The following HPCAL1 variants were observed in gnomAD, a reference collection of about 807,000 sequenced individuals.
The protein encoded by HPCAL1 is hippocalcin like 1, also known as hippocalcin-like protein 1.
HPCAL1 carries 8 observed loss-of-function variants against 17.1 expected under a neutral mutation model. The observed-to-expected ratio is 0.47, with a 90% confidence interval of 0.27 to 0.84. HPCAL1 has a LOEUF of 0.84. HPCAL1 is among the 40% of genes least tolerant of loss of function. HPCAL1 has a pLI of 0.13. For synonymous variants in HPCAL1, 112 were observed against 111.4 expected, an observed-to-expected ratio of 1.01 and a Z score of -0.03; for missense variants, 165 against 271.1, an observed-to-expected ratio of 0.61 and a Z score of 2.75.
At position 10,304,813 on chromosome 2, in the gene HPCAL1, C is replaced by T. The variant is rs889716069; in HGVS notation, c.-111+1636C>T. The stretch of plus-strand genomic sequence containing the variant: ...AAAAAATCGCCTTTAACCAAGGGAG[C>T]CAAGATCTCACCAGTGCAGGAGGCT... On this transcript the variant is annotated intron_variant, in intron 1 of 4. Transcript: ENST00000307845. The surrounding 1 kb of genome is among the most constrained non-coding windows in gnomAD (Gnocchi z 4.1). Among the ~76,000 whole-genome samples, 1 of 152,116 alleles carries T rather than the reference C, an allele frequency of 6.6e-6. No homozygotes were observed. Among genetic ancestry groups the T allele is most frequent in the African/African-American group, 2.4e-5 (1 of 41,408 alleles).
At chr2:10,329,959 G>A (rs932817608) in intron 1 of HPCAL1, among the ~76,000 whole-genome samples, 5 of 152,334 alleles carry the variant, frequency 3.3e-5, no homozygotes, top group Middle Eastern at 3.4e-3. Context: ...AGCAGGGTAA[G>A]TTTCCAAGAA....
At chr2:10,391,645 A>G (rs1388697660) in intron 1 of HPCAL1, among the ~76,000 whole-genome samples, 2 of 152,232 alleles carry the variant, frequency 1.3e-5, no homozygotes, top group Non-Finnish European at 2.9e-5. Context: ...GCCAGCCCCA[A>G]GAAACTACGA....
chr2:10,399,418 CCACCAT>C (rs1669375562), intron 2 of HPCAL1, among the ~76,000 whole-genome samples: 5 of 39,400 alleles, frequency 1.3e-4, no homozygotes, highest in East Asian at 1.6e-3. Flanking sequence ...ACCACCACCA[CCACCAT>C]CACCACCACC....
intron 1 of HPCAL1, among the ~76,000 whole-genome samples, chr2:10,314,220 C>T (rs1663160624): frequency 1.3e-5 from 2 of 150,474 alleles, no homozygotes; most frequent in African/African-American, 4.9e-5. Flanking sequence ...TAAGAGGCAG[C>T]ATTATGATTC....
intron 1 of HPCAL1, among the ~76,000 whole-genome samples, chr2:10,387,356 G>A (rs763492919): frequency 2.0e-5 from 3 of 152,252 alleles, no homozygotes; most frequent in Non-Finnish European, 2.9e-5. Context: ...ATGCGGTGAC[G>A]CACTGGGGAC....
In HPCAL1 at chr2:10,419,189, C is replaced by T. The variant is rs191485852; in HGVS notation, c.-24-545C>T. On this transcript the variant is annotated intron_variant, in intron 2 of 4. Transcript: ENST00000307845. The surrounding 1 kb of genome is among the most constrained non-coding windows in gnomAD (Gnocchi z 5.0). ...TCCTGCTACTGCACTGCAGCCTGGG[C>T]GACAAGAGCAAAACTCCATCTCAAA... 7.4e-4 allele frequency among the ~76,000 whole-genome samples: 112 copies of T among 150,704 alleles called. No individual in the cohort carries two copies. Among genetic ancestry groups the T allele is most frequent in the African/African-American group, 2.6e-3 (106 of 41,300 alleles).
At chr2:10,305,434 C>G (rs1662559240) in intron 1 of HPCAL1, among the ~76,000 whole-genome samples, 1 of 152,180 alleles carries the variant, frequency 6.6e-6, no homozygotes, top group African/African-American at 2.4e-5. Flanking sequence ...GATAATGTGG[C>G]AAAGGGAAGG....
chr2:10,405,564 C>G (rs1199797360), intron 2 of HPCAL1, among the ~76,000 whole-genome samples: 1 of 152,260 alleles, frequency 6.6e-6, no homozygotes, highest in Non-Finnish European at 1.5e-5. Context: ...CCTGGAACAT[C>G]AGGGTGGAAT....
At chr2:10,382,797 G>A (rs1297154174) in intron 1 of HPCAL1, among the ~76,000 whole-genome samples, 1 of 152,156 alleles carries the variant, frequency 6.6e-6, no homozygotes, top group Non-Finnish European at 1.5e-5. Context: ...GCTGCTGAGT[G>A]TGGGAGTGTG....
At chr2:10,347,979 A>AGCT (rs1300784667) in intron 1 of HPCAL1, among the ~76,000 whole-genome samples, 1 of 152,186 alleles carries the variant, frequency 6.6e-6, no homozygotes, top group Non-Finnish European at 1.5e-5. Flanking sequence ...GTCACTCTTA[A>AGCT]GCTTGCATTT....
At chr2:10,316,290 T>C (rs1663309980) in intron 1 of HPCAL1, among the ~76,000 whole-genome samples, 1 of 152,208 alleles carries the variant, frequency 6.6e-6, no homozygotes, top group Non-Finnish European at 1.5e-5. Context: ...CATTCTAATA[T>C]GTTTCAGCTC....
At position 10,323,084 on chromosome 2, in the gene HPCAL1, G is replaced by A. The variant is rs1663778225; in HGVS notation, c.-111+19907G>A. Among the ~76,000 whole-genome samples the A allele has an allele frequency of 6.6e-6, 1 of 152,140 alleles. No individual in the cohort carries two copies. The highest frequency in any genetic ancestry group is 2.4e-5 in the African/African-American group (1 of 41,424). ...GATTCAGCTATCCCAGGCTGACCCT[G>A]AGGTCCACCATGACTGTGCTGCAGC... On this transcript the variant is annotated intron_variant, in intron 1 of 4. Coordinates refer to ENST00000307845, the MANE Select transcript of HPCAL1 (RefSeq NM_002149.4). This position sits in a 1 kb window ranked among gnomAD's most constrained non-coding sequence, Gnocchi z 4.6.
intron 1 of HPCAL1, among the ~76,000 whole-genome samples, chr2:10,317,244 T>G (rs558602082): frequency 6.6e-6 from 1 of 152,328 alleles, no homozygotes; most frequent in East Asian, 1.9e-4. Context: ...TCCTCGGTTT[T>G]GTTTTGCTTA....
chr2:10,340,057 A>T (rs972741829), intron 1 of HPCAL1, among the ~76,000 whole-genome samples: 1 of 152,116 alleles, frequency 6.6e-6, no homozygotes, highest in Non-Finnish European at 1.5e-5. Flanking sequence ...CTGTGATATC[A>T]CCTTGCTTCT....
At chr2:10,408,488 G>C (rs1023028250) in intron 2 of HPCAL1, 3 of 152,214 alleles carry the variant, frequency 2.0e-5, no homozygotes, top group African/African-American at 4.8e-5. Flanking sequence ...GTTGGGTTTA[G>C]GTGCAGGCAC....
intron 1 of HPCAL1, among the ~76,000 whole-genome samples, chr2:10,360,417 C>CTTT (rs112033400): frequency 6.8e-5 from 10 of 147,890 alleles, no homozygotes; most frequent in African/African-American, 2.5e-4. Flanking sequence ...TTAACTGAAT[C>CTTT]TTTTTTTTTT....
chr2:10,379,632 C>A (rs890862871), intron 1 of HPCAL1, among the ~76,000 whole-genome samples: 1 of 152,106 alleles, frequency 6.6e-6, no homozygotes, highest in Non-Finnish European at 1.5e-5. Flanking sequence ...GCCAGCAGTT[C>A]CCCCATCTGC....
rs538366609 is a variant in HPCAL1 at position 10,365,463 on chromosome 2, C to T, written c.-110-31372C>T. On this transcript the variant is annotated intron_variant, in intron 1 of 4. Coordinates refer to ENST00000307845, the MANE Select transcript of HPCAL1 (RefSeq NM_002149.4). The surrounding 1 kb of genome is among the most constrained non-coding windows in gnomAD (Gnocchi z 4.8). The stretch of plus-strand genomic sequence containing the variant: ...GTCTGTGCAGGAGTTGGAGGTAGAG[C>T]GGGTCGAAGGCTTGCGGAGGGACAG... 2.6e-5 allele frequency among the ~76,000 whole-genome samples: 4 copies of T among 152,160 alleles called. No homozygotes were observed. The highest frequency in any genetic ancestry group is 2.1e-4 in the South Asian group (1 of 4,828).
At chr2:10,399,754 C>T (rs62130183) in intron 2 of HPCAL1, among the ~76,000 whole-genome samples, 19,726 of 152,136 alleles carry the variant, frequency 0.13, 1,506 homozygotes, top group Non-Finnish European at 0.17. Context: ...GGCCGCTCCC[C>T]GGGCAGTGGA....
Sources: gnomAD v4.1 joint callset for allele counts (sites outside exome capture counted in the v4.1 genomes callset) on GRCh38, gnomAD v4.1.1 for gene constraint, Gnocchi (gnomAD v3.1) non-coding constraint, MANE v1.5 for transcripts, NCBI Gene and HGNC (gene_info 2026-07-23, HGNC 2026-07-21) for gene names.